Variants in ZNF560 observed in about 807,000 individuals in gnomAD.
ZNF560 encodes zinc finger protein 560.
ZNF560 carries 54 observed loss-of-function variants against 81.8 expected under a neutral mutation model. That is an observed-to-expected ratio of 0.66 (90% CI 0.53 to 0.83). The LOEUF (loss-of-function observed/expected upper bound fraction) is 0.83. Ranked by LOEUF, ZNF560 falls within the 40% of genes least tolerant of loss-of-function variation. ZNF560 has a pLI of 0.00. For missense variants in ZNF560, 940 were observed against 932.4 expected, an observed-to-expected ratio of 1.01 and a Z score of -0.11; for synonymous variants, 321 against 317.9, an observed-to-expected ratio of 1.01 and a Z score of -0.10.
chr19:9,471,943 T>C (rs1020696776), intron 5 of ZNF560, among the ~76,000 whole-genome samples: 5 of 152,108 alleles, frequency 3.3e-5, no homozygotes, highest in African/African-American at 1.2e-4. Flanking sequence ...ACACCATCTC[T>C]ACTAAAAATA....
intron 5 of ZNF560, 38 bp from the exon 6 acceptor site, chr19:9,471,416 TA>T (rs3068759): frequency 1.1e-4 from 138 of 1,279,498 alleles, no homozygotes; most frequent in Admixed American, 5.0e-4. Flanking sequence ...TTTTTTTTTT[TA>T]AAAAAAAAGG....
chr19:9,455,552 C>A, the ZNF560 span, among the ~76,000 whole-genome samples: 2 of 152,170 alleles, frequency 1.3e-5, no homozygotes, highest in East Asian at 1.9e-4. Context: ...GGAAAAAAAT[C>A]TCTTCAGGTG....
Position 9,466,381 on chromosome 19 carries a change from C to G in ZNF560, c.*193G>C, listed in dbSNP as rs2073016157. On this transcript the variant is annotated 3_prime_UTR_variant, in exon 10 of 10. Coordinates refer to ENST00000301480, the MANE Select transcript of ZNF560 (RefSeq NM_152476.3). Reference sequence around the variant, plus strand: ...GAGAGAGAGAAGAACTAGTGTTTTCCTACATCCCTTACATTTACAGGGTTT... The same window carrying G: ...GAGAGAGAGAAGAACTAGTGTTTTCGTACATCCCTTACATTTACAGGGTTT... 1.9e-6 allele frequency: 1 copy of G among 527,146 alleles called. No individual in the cohort carries two copies. Among genetic ancestry groups the G allele is most frequent in the South Asian group, 3.5e-5 (1 of 28,390 alleles). 32.7% of individuals were successfully genotyped at this position (527,146 alleles called of 1,614,324 possible).
At chr19:9,505,585 C>T in the ZNF560 span, among the ~76,000 whole-genome samples, 1 of 152,202 alleles carries the variant, frequency 6.6e-6, no homozygotes, top group Non-Finnish European at 1.5e-5. Context: ...ATGTCTTATA[C>T]TTTTAGCTCC....
chr19:9,464,038 T>C (rs753296865), downstream of ZNF560, among the ~76,000 whole-genome samples: 14 of 152,152 alleles, frequency 9.2e-5, no homozygotes, highest in Admixed American at 1.3e-4. Flanking sequence ...ACTGGCTGGA[T>C]TAAGAACCAC....
chr19:9,490,687 T>G (rs147496284), intron 2 of ZNF560, among the ~76,000 whole-genome samples: 61 of 152,290 alleles, frequency 4.0e-4, no homozygotes, highest in Non-Finnish European at 7.1e-4. Flanking sequence ...CAAAAACAGG[T>G]TGAAGATTAG....
In ZNF560 at chr19:9,466,677, T is replaced by C. The variant is rs760553564; in HGVS notation, c.2270A>G (p.Gln757Arg). Residue 757 changes from glutamine to arginine, a missense_variant, in exon 10 of 10, where the codon CAA (glutamine) becomes CGA (arginine). Coordinates refer to ENST00000301480, the MANE Select transcript of ZNF560 (RefSeq NM_152476.3). ...CTCTCCCATATGAGTTCTTAAATGT[T>C]GAATACGTCCTGAGGATGTACGGAA... ...KAFRTSSGRI[Q>R]HLRTHMGEKP... The C allele has an allele frequency of 2.4e-5, 39 of 1,614,070 alleles. No individual in the cohort carries two copies. The South Asian group carries it at 4.1e-4, about 17-fold the overall frequency.
At chr19:9,492,825 CA>C (rs1239541373) in intron 2 of ZNF560, among the ~76,000 whole-genome samples, 1 of 152,118 alleles carries the variant, frequency 6.6e-6, no homozygotes, top group Non-Finnish European at 1.5e-5. Flanking sequence ...AGCTCTAAGA[CA>C]AAAATTTTGC....
the ZNF560 span, among the ~76,000 whole-genome samples, chr19:9,506,204 G>A: frequency 0.1 from 15,898 of 151,938 alleles, 977 homozygotes; most frequent in South Asian, 0.2. Context: ...TGTTGGCCAC[G>A]CTGGTCTCGA....
In ZNF560 at chr19:9,471,402, GTTT is replaced by G. The variant is rs544010624; in HGVS notation, c.239-27_239-25del. ...GTCTGAAACAAAAACATAAACTGAG[GTTT>G]TTTTTTTTTTTAAAAAAAAAGGTAA... On this transcript the variant is annotated intron_variant, in intron 5 of 9. Coordinates refer to ENST00000301480, the MANE Select transcript of ZNF560 (RefSeq NM_152476.3). The G allele has an allele frequency of 6.5e-4, 776 of 1,190,922 alleles. 2 individuals carry two copies. The African/African-American group carries it at 0.011, about 17-fold the overall frequency. The allele number at this position is 1,190,922 out of a possible 1,614,324, so 73.8% of individuals were successfully genotyped here.
chr19:9,447,014 G>A, the ZNF560 span, among the ~76,000 whole-genome samples: 1 of 151,730 alleles, frequency 6.6e-6, no homozygotes, highest in Non-Finnish European at 1.5e-5. Context: ...CGTGCCTATA[G>A]TCCCAGCTAC....
chr19:9,455,443 C>A, the ZNF560 span, among the ~76,000 whole-genome samples: 393 of 152,294 alleles, frequency 2.6e-3, 8 homozygotes, highest in Middle Eastern at 0.024. Context: ...TAACTACCGA[C>A]CAACTTTTGA....
At chr19:9,464,901 T>G (rs2072991114), downstream of ZNF560, among the ~76,000 whole-genome samples, 1 of 152,084 alleles carries the variant, frequency 6.6e-6, no homozygotes, top group Admixed American at 6.5e-5. Context: ...ACATGCCCAG[T>G]TTCTCATAAG....
chr19:9,489,513 G>T (rs1426596324), intron 2 of ZNF560, among the ~76,000 whole-genome samples: 1 of 150,118 alleles, frequency 6.7e-6, no homozygotes, highest in African/African-American at 2.5e-5. Flanking sequence ...CTCATCACTT[G>T]TCAGACAGGG....
intron 2 of ZNF560, among the ~76,000 whole-genome samples, chr19:9,489,401 G>A (rs11671218): frequency 0.43 from 63,904 of 149,720 alleles, 15,162 homozygotes; most frequent in Non-Finnish European, 0.54. Context: ...CTTCCCAGAC[G>A]GTGTGGTGGC....
downstream of ZNF560, among the ~76,000 whole-genome samples, chr19:9,463,457 TTTTA>T (rs1241581659): frequency 1.3e-5 from 2 of 152,072 alleles, no homozygotes; most frequent in Non-Finnish European, 2.9e-5. Context: ...AACCTATAGG[TTTTA>T]TTTGAGACAA....
chr19:9,459,502 C>T, the ZNF560 span, among the ~76,000 whole-genome samples: 1 of 152,098 alleles, frequency 6.6e-6, no homozygotes, highest in African/African-American at 2.4e-5. Context: ...GGTGATCAGA[C>T]TGAACACTAG....
chr19:9,504,309 C>A, the ZNF560 span, among the ~76,000 whole-genome samples: 1 of 152,084 alleles, frequency 6.6e-6, no homozygotes, highest in Non-Finnish European at 1.5e-5. Flanking sequence ...GTGGCATATG[C>A]CTGTAATCCC....
the ZNF560 span, among the ~76,000 whole-genome samples, chr19:9,449,995 AAAAC>A: frequency 4.1e-5 from 6 of 147,376 alleles, no homozygotes; most frequent in African/African-American, 1.5e-4. Flanking sequence ...AAAAAAAAAA[AAAAC>A]AACTGAAAAA....
Sources: gnomAD v4.1 joint callset for allele counts (sites outside exome capture counted in the v4.1 genomes callset) on GRCh38, gnomAD v4.1.1 for gene constraint, MANE v1.5 for transcripts, NCBI Gene and HGNC (gene_info 2026-07-23, HGNC 2026-07-21) for gene names.